Variants in SYN1 observed in about 807,000 individuals in gnomAD.
SYN1 encodes synapsin I, also known as synapsin-1.
Under a neutral mutation model 44.6 loss-of-function variants are expected in SYN1, and 8 were observed. The observed-to-expected ratio is 0.18, with a 90% CI of 0.11 to 0.32. SYN1 has a LOEUF of 0.32. Ranked by LOEUF, SYN1 falls within the 10% of genes least tolerant of loss-of-function variation. The pLI, the probability that SYN1 is intolerant of heterozygous loss-of-function variation, is 1.00. For synonymous variants in SYN1, 275 were observed against 280.1 expected, an observed-to-expected ratio of 0.98 and a Z score of 0.18; for missense variants, 451 against 639.4, an observed-to-expected ratio of 0.71 and a Z score of 3.18.
chrX:47,617,527 T>C (rs1040120444), intron 1 of SYN1, among the ~76,000 whole-genome samples: 1 of 110,867 alleles, frequency 9.0e-6, no homozygotes, highest in Non-Finnish European at 1.9e-5. Context: ...GAATTAAAGT[T>C]GGTAGAGGGA....
intron 5 of SYN1, among the ~76,000 whole-genome samples, chrX:47,589,686 G>C (rs2057841448): frequency 9.2e-6 from 1 of 109,180 alleles, no homozygotes; most frequent in African/African-American, 3.3e-5. Context: ...CTGTGTCCTT[G>C]AATAAATCAT....
At chrX:47,576,975 A>G (rs1473966988) in intron 6 of SYN1, among the ~76,000 whole-genome samples, 1 of 111,991 alleles carries the variant, frequency 8.9e-6, no homozygotes, top group Non-Finnish European at 1.9e-5. Flanking sequence ...GCATCCAGAC[A>G]CAAAATCAAT....
intron 1 of SYN1, among the ~76,000 whole-genome samples, chrX:47,618,612 C>A (rs1331183879): frequency 9.0e-6 from 1 of 111,075 alleles, no homozygotes; most frequent in Admixed American, 9.5e-5. Context: ...AGGCACTTAA[C>A]AAATGCTTCC....
intron 9 of SYN1, 109 bp from the exon 10 acceptor site, chrX:47,575,383 G>C: frequency 1.1e-6 from 1 of 930,638 alleles, no homozygotes. Flanking sequence ...GAGCCCCAGT[G>C]TCTGAGGCAC....
intron 5 of SYN1, among the ~76,000 whole-genome samples, chrX:47,598,496 C>T (rs1264920944): frequency 9.0e-6 from 1 of 111,009 alleles, no homozygotes; most frequent in African/African-American, 3.3e-5. Context: ...AGTTTGAGAC[C>T]AGCATGGGCA....
intron 5 of SYN1, among the ~76,000 whole-genome samples, chrX:47,588,999 G>T: frequency 9.0e-6 from 1 of 111,279 alleles, no homozygotes; most frequent in Non-Finnish European, 1.9e-5. Flanking sequence ...TATTTTTGGG[G>T]GGGTCAAAAC....
chrX:47,577,071 T>C (rs1683706496), intron 6 of SYN1, among the ~76,000 whole-genome samples: 1 of 110,505 alleles, frequency 9.0e-6, no homozygotes, highest in Non-Finnish European at 1.9e-5. Context: ...ATCAGATGGA[T>C]GTAAAGCACA....
rs2057760930 is a variant in SYN1, at chrX:47,571,965, G to T, written c.*899C>A. 1 of 156,213 alleles carries T rather than the reference G, an allele frequency of 6.4e-6. No homozygotes were observed. Among genetic ancestry groups the T allele is most frequent in the Admixed American group, 8.3e-5 (1 of 12,096 alleles). 12.9% of individuals were successfully genotyped at this position (156,213 alleles called of 1,213,427 possible). ...CTCTTGGGGTTCAGAGCCGCTGAGG[G>T]GTGGGGTGAGTCCAGGCAAGGAGTG... On this transcript the variant is annotated 3_prime_UTR_variant, in exon 13 of 13. Coordinates refer to ENST00000295987, the MANE Select transcript of SYN1 (RefSeq NM_006950.3).
intron 10 of SYN1, 64 bp downstream of exon 10, chrX:47,575,064 G>A (rs1379688741): frequency 3.5e-6 from 4 of 1,153,027 alleles, no homozygotes; most frequent in Non-Finnish European, 4.7e-6. Flanking sequence ...TCATGGCACA[G>A]CATGACCCAG....
At chrX:47,593,853 A>G (rs913727753) in intron 5 of SYN1, among the ~76,000 whole-genome samples, 1 of 112,155 alleles carries the variant, frequency 8.9e-6, no homozygotes, top group African/African-American at 3.2e-5. Flanking sequence ...ATTTTCATCT[A>G]GGTTTTCTAT....
rs1269434827 is a variant in SYN1 at position 47,613,157 on chromosome X, G to A, written c.378-5959C>T. On this transcript the variant is annotated intron_variant, in intron 1 of 12. Coordinates refer to ENST00000295987, the MANE Select transcript of SYN1 (RefSeq NM_006950.3). ...AAAAAAAAAAAAAAAAAAAAAAAAA[G>A]GGAGGAGCGAGGATCTTTGGATCGT... Among the ~76,000 whole-genome samples the A allele has an allele frequency of 1.6e-4, 16 of 103,225 alleles. No individual in the cohort carries two copies. In the Admixed American group the frequency reaches 1.6e-3, roughly 10 times the overall value. The allele number at this position is 103,225 out of a possible 115,157, so 89.6% of individuals were successfully genotyped here. A position where few individuals can be genotyped will look rare whatever the true frequency, so the allele number is the denominator to read the frequency against.
chrX:47,595,305 C>T (rs2147923886), intron 5 of SYN1, among the ~76,000 whole-genome samples: 1 of 112,074 alleles, frequency 8.9e-6, no homozygotes, highest in East Asian at 2.8e-4. Flanking sequence ...CACTAGCAAA[C>T]TAATTGAACC....
At chrX:47,587,658 G>A (rs2057832034) in intron 5 of SYN1, among the ~76,000 whole-genome samples, 1 of 110,661 alleles carries the variant, frequency 9.0e-6, no homozygotes, top group African/African-American at 3.3e-5. Context: ...CTCTAGACTC[G>A]ACCCTCACCT....
intron 5 of SYN1, among the ~76,000 whole-genome samples, chrX:47,598,708 T>C (rs1052458639): frequency 1.8e-5 from 2 of 111,458 alleles, no homozygotes; most frequent in Non-Finnish European, 3.8e-5. Context: ...GCACCTGTAG[T>C]CCCAGCTACT....
chrX:47,574,415 C>G lies in SYN1; in HGVS notation c.1569G>C (p.Ala523=). 1 of 1,027,905 alleles carries G rather than the reference C, an allele frequency of 9.7e-7. No homozygotes were observed. Among genetic ancestry groups the G allele is most frequent in the Admixed American group, 4.9e-5 (1 of 20,271 alleles). The allele number at this position is 1,027,905 out of a possible 1,213,427, so 84.7% of individuals were successfully genotyped here. A position where few individuals can be genotyped will look rare whatever the true frequency, so the allele number is the denominator to read the frequency against. ...GGCGGCCTTGACCCTGGGTCGGCGG[C>G]GCGGCCTGGGACGCGGGCTGCTGGG... ...SAPQQPASQA[A]PPTQGQGRQS... The change falls in exon 12 of 13, where the codon GCG becomes GCC. Residue 523 remains alanine, a synonymous_variant. Transcript: ENST00000295987.
At position 47,602,525 on chromosome X, in the gene SYN1, C is replaced by T. The variant is rs187820828; in HGVS notation, c.774+2453G>A. On this transcript the variant is annotated intron_variant, in intron 5 of 12. Coordinates refer to ENST00000295987, the MANE Select transcript of SYN1 (RefSeq NM_006950.3). ...GGCGTGGTGGCACGCACCTGTAGTCCCAGCTACTCGGGAGGCTGAGTCAGG... is the reference window on the plus strand; with the variant it reads ...GGCGTGGTGGCACGCACCTGTAGTCTCAGCTACTCGGGAGGCTGAGTCAGG... Among the ~76,000 whole-genome samples the T allele has an allele frequency of 7.8e-4, 86 of 110,738 alleles. 2 individuals are homozygous for T. In the East Asian group the frequency reaches 0.023, roughly 30 times the overall value.
chrX:47,605,353 A>G lies in SYN1; in HGVS notation c.554T>C (p.Ile185Thr), dbSNP rs1457616527. Reference sequence around the variant, plus strand: ...TGCCATGCTGAAGGCGTGCTGGCGGATCAGCACAAAATCCGGCTTCAGAGA... The same window carrying G: ...TGCCATGCTGAAGGCGTGCTGGCGGGTCAGCACAAAATCCGGCTTCAGAGA... ...VRSLKPDFVL[I>T]RQHAFSMARN... Residue 185 changes from isoleucine to threonine, a missense_variant, in exon 4 of 13, where the codon ATC becomes ACC. Ile to Thr is a moderately conservative substitution (Grantham distance 89, BLOSUM62 -1). Around this residue, in one of 3 missense-constraint regions of SYN1, gnomAD observed 315 missense variants for 451.4 expected, o/e 0.70. Coordinates refer to ENST00000295987, the MANE Select transcript of SYN1 (RefSeq NM_006950.3). 1 of 1,211,370 alleles carries G rather than the reference A, an allele frequency of 8.3e-7. No individual in the cohort carries two copies. The highest frequency in any genetic ancestry group is 1.1e-6 in the Non-Finnish European group (1 of 895,286).
intron 5 of SYN1, chrX:47,582,270 A>G (rs772696576): frequency 8.0e-6 from 1 of 124,996 alleles, no homozygotes; most frequent in African/African-American, 3.2e-5. Context: ...GGCGGGTGGG[A>G]GAGGAGGAGG....
At chrX:47,610,148 A>G (rs2057912643) in intron 1 of SYN1, among the ~76,000 whole-genome samples, 1 of 111,696 alleles carries the variant, frequency 9.0e-6, no homozygotes, top group South Asian at 3.7e-4. Flanking sequence ...CAGAGGGCAG[A>G]CAGAAGGGAG....
Sources: allele counts gnomAD v4.1 joint callset (sites outside exome capture counted in the v4.1 genomes callset), GRCh38; gene constraint gnomAD v4.1.1; regional missense constraint gnomAD v4.1.1; transcripts MANE v1.5; gene names NCBI Gene and HGNC (gene_info 2026-07-23, HGNC 2026-07-21).